The following VPS13B variants were observed in gnomAD, a reference collection of about 807,000 sequenced individuals.
VPS13B encodes the protein intermembrane lipid transfer protein VPS13B.
In VPS13B, 285 loss-of-function variants were observed where a neutral mutation model predicts 426.4. That is an observed-to-expected ratio of 0.67 (90% CI 0.61 to 0.74). The LOEUF is 0.74. Ranked by LOEUF, VPS13B falls within the 30% of genes least tolerant of loss-of-function variation. The pLI is 0.00. For missense variants in VPS13B, 4,537 were observed against 4,782.6 expected, an observed-to-expected ratio of 0.95 and a Z score of 1.51; for synonymous variants, 1,676 against 1,676.4, an observed-to-expected ratio of 1.00 and a Z score of 0.01.
rs137917131 is a variant in VPS13B at position 99,483,135 on chromosome 8, A to G, written c.3870+1333A>G. ...CAGTAAAAGCAAACAAACTCAGTTA[A>G]AAGGGCAAATTTCAGCTGCTATAAA... is the stretch of plus-strand genomic sequence containing the variant. On this transcript the variant is annotated intron_variant, in intron 25 of 61. Transcript: ENST00000357162. 5.6e-3 allele frequency among the ~76,000 whole-genome samples: 860 copies of G among 152,340 alleles called. 4 individuals carry two copies. The highest frequency in any genetic ancestry group is 0.01 in the Non-Finnish European group (700 of 68,004).
At chr8:99,704,559 A>G (rs988054163) in intron 36 of VPS13B, among the ~76,000 whole-genome samples, 1 of 152,212 alleles carries the variant, frequency 6.6e-6, no homozygotes, top group African/African-American at 2.4e-5. Flanking sequence ...TACTTTTAGC[A>G]AGAAATAGCA....
At chr8:99,589,779 G>A (rs960250466) in intron 33 of VPS13B, among the ~76,000 whole-genome samples, 3 of 152,142 alleles carry the variant, frequency 2.0e-5, no homozygotes, top group African/African-American at 7.2e-5. Flanking sequence ...GTTCATCAGG[G>A]ATATTGGTCT....
At chr8:99,231,926 AT>A (rs1453189601) in intron 17 of VPS13B, among the ~76,000 whole-genome samples, 1 of 152,026 alleles carries the variant, frequency 6.6e-6, no homozygotes, top group Non-Finnish European at 1.5e-5. Context: ...TCATTGTGGA[AT>A]TTTTTCTTTG....
intron 19 of VPS13B, among the ~76,000 whole-genome samples, chr8:99,338,287 C>G (rs1261676308): frequency 6.6e-6 from 1 of 152,156 alleles, no homozygotes; most frequent in East Asian, 1.9e-4. Flanking sequence ...TCTTGAAGAA[C>G]AAAATGGACA....
chr8:99,666,304 T>G (rs1830483792), intron 35 of VPS13B, among the ~76,000 whole-genome samples: 1 of 152,122 alleles, frequency 6.6e-6, no homozygotes, highest in African/African-American at 2.4e-5. Context: ...CGTAACTCAT[T>G]TTATGAGGCC....
chr8:99,189,953 C>T (rs977400920), intron 16 of VPS13B, among the ~76,000 whole-genome samples: 7 of 152,022 alleles, frequency 4.6e-5, no homozygotes, highest in African/African-American at 1.7e-4. Flanking sequence ...GTCAGTTAGG[C>T]CAAGTTGATT....
At chr8:99,453,321 A>G (rs938222333) in intron 23 of VPS13B, among the ~76,000 whole-genome samples, 2 of 152,192 alleles carry the variant, frequency 1.3e-5, no homozygotes, top group Non-Finnish European at 2.9e-5. Context: ...TTTGACTTTA[A>G]TCCTCAAACC....
At chr8:99,257,751 G>A (rs1026808135) in intron 17 of VPS13B, among the ~76,000 whole-genome samples, 1 of 149,006 alleles carries the variant, frequency 6.7e-6, no homozygotes, top group African/African-American at 2.5e-5. Context: ...TTCCTGTGTA[G>A]TATTTTTAAA....
At chr8:99,459,881 G>T (rs542955315) in intron 23 of VPS13B, among the ~76,000 whole-genome samples, 1 of 152,132 alleles carries the variant, frequency 6.6e-6, no homozygotes, top group South Asian at 2.1e-4. Flanking sequence ...AATATTTCTT[G>T]TCTTAAATCA....
At chr8:99,499,959 A>T (rs1219348305) in intron 25 of VPS13B, among the ~76,000 whole-genome samples, 1 of 152,184 alleles carries the variant, frequency 6.6e-6, no homozygotes, top group Non-Finnish European at 1.5e-5. Flanking sequence ...TGACTGAAAG[A>T]TGTTATAAAA....
At chr8:99,514,505 G>A (rs1380566091) in intron 29 of VPS13B, among the ~76,000 whole-genome samples, 3 of 152,152 alleles carry the variant, frequency 2.0e-5, no homozygotes, top group East Asian at 1.9e-4. Context: ...TACTACTCTA[G>A]AAATTTCATG....
Position 99,151,733 on chromosome 8 carries a change from A to C in VPS13B, c.2013+3723A>C, listed in dbSNP as rs1031720360. Among the ~76,000 whole-genome samples the C allele has an allele frequency of 3.3e-5, 5 of 152,204 alleles. No homozygotes were observed. In the South Asian group the frequency reaches 1.0e-3, roughly 32 times the overall value. ...TTTTTAGTAGAGAAGGGGTTTCTCC[A>C]TGTCAGTCAGGCTGGTCTTGGACTT... is the stretch of plus-strand genomic sequence containing the variant. On this transcript the variant is annotated intron_variant, in intron 14 of 61. Transcript: ENST00000357162.
intron 3 of VPS13B, among the ~76,000 whole-genome samples, 172 bp from the exon 4 acceptor site, chr8:99,096,139 GT>G (rs1846404365): frequency 6.6e-6 from 1 of 152,102 alleles, no homozygotes. Context: ...TTTAAATGCT[GT>G]TTGAGAATGC....
chr8:99,135,646 A>T lies in VPS13B; in HGVS notation c.1476A>T (p.Thr492=). The T allele has an allele frequency of 6.2e-7, 1 of 1,613,474 alleles. No individual in the cohort carries two copies. The highest frequency in any genetic ancestry group is 8.5e-7 in the Non-Finnish European group (1 of 1,179,548). ...ACAATTTGAGTACGAAAGGTTTCAC[A>T]TACCTTACAAATTCATTGTTTGATT... ...CGDNLSTKGF[T]YLTNSLFDYR... The change falls in exon 11 of 62, where the codon ACA becomes ACT. Residue 492 remains threonine, a synonymous_variant. Coordinates refer to ENST00000357162, the MANE Select transcript of VPS13B (RefSeq NM_152564.5).
intron 30 of VPS13B, among the ~76,000 whole-genome samples, chr8:99,525,743 A>G (rs1822607380): frequency 6.6e-6 from 1 of 152,178 alleles, no homozygotes; most frequent in African/African-American, 2.4e-5. Context: ...AATAAATCAT[A>G]TGGTATACTA....
intron 33 of VPS13B, among the ~76,000 whole-genome samples, chr8:99,627,279 A>G (rs922111811): frequency 2.0e-5 from 3 of 152,176 alleles, no homozygotes; most frequent in Non-Finnish European, 4.4e-5. Flanking sequence ...ATGTATCACC[A>G]TAAAAAAATA....
intron 8 of VPS13B, among the ~76,000 whole-genome samples, chr8:99,130,386 T>TC (rs1389624359): frequency 6.7e-6 from 1 of 149,148 alleles, no homozygotes; most frequent in African/African-American, 2.5e-5. Flanking sequence ...AATGTTCGGG[T>TC]CCTTTTTTTT....
intron 5 of VPS13B, among the ~76,000 whole-genome samples, chr8:99,106,096 T>A (rs1484333906): frequency 6.6e-6 from 1 of 151,974 alleles, no homozygotes; most frequent in African/African-American, 2.4e-5. Context: ...TAATTTTTTT[T>A]AATTGAAGCA....
chr8:99,013,511 A>T (rs144937168), intron 1 of VPS13B, among the ~76,000 whole-genome samples, 164 bp downstream of exon 1: 5 of 152,210 alleles, frequency 3.3e-5, no homozygotes, highest in African/African-American at 1.2e-4. Flanking sequence ...GCCTCACTTC[A>T]TTCTTCCACT....
Sources: allele counts gnomAD v4.1 joint callset (sites outside exome capture counted in the v4.1 genomes callset), GRCh38; gene constraint gnomAD v4.1.1; transcripts MANE v1.5; gene names NCBI Gene and HGNC (gene_info 2026-07-23, HGNC 2026-07-21).